Variants in MRPL13 observed in about 807,000 individuals in gnomAD.
The protein encoded by MRPL13 is large ribosomal subunit protein uL13m.
In MRPL13, 33 loss-of-function variants were observed where a neutral mutation model predicts 29.0. The observed-to-expected ratio is 1.14, with a 90% confidence interval of 0.86 to 1.52. The LOEUF (loss-of-function observed/expected upper bound fraction) is 1.52, where lower values mean the gene tolerates loss of function less well. MRPL13 is among the 40% of genes most tolerant of loss of function. The pLI, the probability that MRPL13 is intolerant of heterozygous loss-of-function variation, is 0.00. For missense variants in MRPL13, 227 were observed against 216.7 expected (o/e 1.05, Z -0.30); for synonymous variants, 77 against 68.4 (o/e 1.13, Z -0.62).
rs1289293457 is a variant in MRPL13 at position 120,396,127 on chromosome 8, T to C, written c.516-2A>G. ...TCTTATAGCCGATAATCTTCAGGTC[T>C]GAAAGAAAAAATCAACATATTTCTT... On this transcript the variant is annotated splice_acceptor_variant, in intron 6 of 6. Coordinates refer to ENST00000306185, the MANE Select transcript of MRPL13 (RefSeq NM_014078.6). LOFTEE classifies it high-confidence loss of function. 6.3e-7 allele frequency: 1 copy of C among 1,581,924 alleles called. No individual in the cohort carries two copies. The highest frequency in any genetic ancestry group is 1.1e-5 in the South Asian group (1 of 87,632).
intron 6 of MRPL13, among the ~76,000 whole-genome samples, chr8:120,410,720 G>A (rs1286859422): frequency 6.6e-6 from 1 of 152,032 alleles, no homozygotes; most frequent in Non-Finnish European, 1.5e-5. Flanking sequence ...AGTAGCTAAT[G>A]TATTTGAAGC....
intron 3 of MRPL13, 61 bp downstream of exon 3, chr8:120,431,969 C>T: frequency 8.6e-7 from 1 of 1,159,328 alleles, no homozygotes; most frequent in Non-Finnish European, 1.2e-6. Context: ...GTAAGAACAA[C>T]TGTATTCTTA....
Position 120,443,266 on chromosome 8 carries a change from T to C in MRPL13, c.70A>G (p.Lys24Glu). 1.1e-5 allele frequency: 17 copies of C among 1,609,274 alleles called. No homozygotes were observed. Among genetic ancestry groups the C allele is most frequent in the Non-Finnish European group, 1.4e-5 (17 of 1,177,970 alleles). The change falls in exon 2 of 7, where the codon AAA becomes GAA. Residue 24 changes from lysine (K) to glutamate (E), a missense_variant. Physicochemically the swap from Lys to Glu is moderately conservative, Grantham distance 56 (BLOSUM62 1). Coordinates refer to ENST00000306185, the MANE Select transcript of MRPL13 (RefSeq NM_014078.6). ...FARIWYLLDGKMQPPGKLAAM... is the reference protein window; with the variant it reads ...FARIWYLLDGEMQPPGKLAAM... ...GCAAGTTTGCCAGGTGGCTGCATTT[T>C]CCCATCTAAGAGATACCATATTCTA...
At chr8:120,396,251 T>G in intron 6 of MRPL13, 126 bp from the exon 7 acceptor site, 1 of 693,816 alleles carries the variant, frequency 1.4e-6, no homozygotes, top group Non-Finnish European at 2.4e-6. Flanking sequence ...AAACACTATA[T>G]CTAAATTTTT....
At chr8:120,425,857 T>C (rs1563775203) in intron 3 of MRPL13, among the ~76,000 whole-genome samples, 1 of 152,112 alleles carries the variant, frequency 6.6e-6, no homozygotes, top group African/African-American at 2.4e-5. Context: ...GTGCTACATA[T>C]TGGCTCTAAG....
chr8:120,421,703 C>G lies in MRPL13; in HGVS notation c.307-1765G>C, dbSNP rs528011788. On this transcript the variant is annotated intron_variant, in intron 4 of 6. Transcript: ENST00000306185. ...TCTGAAATATTTCCTAAGCCTTCCT[C>G]AAACATTTTACAATCCATTTCAATT... Among the ~76,000 whole-genome samples the G allele has an allele frequency of 9.9e-4, 150 of 151,956 alleles. 1 individual carries two copies. Among genetic ancestry groups the G allele is most frequent in the African/African-American group, 3.4e-3 (141 of 41,544 alleles).
Position 120,395,767 on chromosome 8 carries a change from T to C in MRPL13, c.*337A>G. The C allele has an allele frequency of 5.3e-6, 1 of 189,102 alleles. No individual in the cohort carries two copies. Among genetic ancestry groups the C allele is most frequent in the Non-Finnish European group, 1.1e-5 (1 of 93,060 alleles). 11.7% of individuals were successfully genotyped at this position (189,102 alleles called of 1,614,324 possible). A position where few individuals can be genotyped will look rare whatever the true frequency, so the allele number is the denominator to read the frequency against. Reference sequence around the variant, plus strand: ...ACCTGCAAACTTGAGAAAATCTGCATGGAGAGGCATTTTTGGAATGTGTAA... The same window carrying C: ...ACCTGCAAACTTGAGAAAATCTGCACGGAGAGGCATTTTTGGAATGTGTAA... On this transcript the variant is annotated 3_prime_UTR_variant, in exon 7 of 7. Coordinates refer to ENST00000306185, the MANE Select transcript of MRPL13 (RefSeq NM_014078.6).
chr8:120,401,040 A>T (rs1393436314), intron 6 of MRPL13, among the ~76,000 whole-genome samples: 2 of 152,176 alleles, frequency 1.3e-5, no homozygotes, highest in African/African-American at 4.8e-5. Context: ...ACCCACAACC[A>T]GACAGATTTA....
chr8:120,415,658 T>A (rs1812795173), intron 5 of MRPL13: 1 of 152,174 alleles, frequency 6.6e-6, no homozygotes, highest in Non-Finnish European at 1.5e-5. Context: ...CTCTTGATAA[T>A]GTGCTTCTTC....
chr8:120,404,252 T>C (rs1358810425), intron 6 of MRPL13, among the ~76,000 whole-genome samples: 2 of 152,230 alleles, frequency 1.3e-5, no homozygotes, highest in Non-Finnish European at 2.9e-5. Context: ...ACAAGAAGTC[T>C]GCAACTCCAC....
chr8:120,411,095 TC>T (rs1775886132), intron 6 of MRPL13, among the ~76,000 whole-genome samples: 1 of 151,986 alleles, frequency 6.6e-6, no homozygotes, highest in Admixed American at 6.5e-5. Flanking sequence ...CAAGTCTTGC[TC>T]TGTTGTTCAG....
Position 120,423,745 on chromosome 8 carries a change from T to A in MRPL13, c.306+1561A>T, listed in dbSNP as rs373498635. ...TGGCTTGAAGAATGCCAGCAAGAAGTACTTCAAGGAAAAGGAAATTGATAC... is the reference window on the plus strand; with the variant it reads ...TGGCTTGAAGAATGCCAGCAAGAAGAACTTCAAGGAAAAGGAAATTGATAC... On this transcript the variant is annotated intron_variant, in intron 4 of 6. Transcript: ENST00000306185. Among the ~76,000 whole-genome samples, 111 of 152,138 alleles carry A rather than the reference T, an allele frequency of 7.3e-4. 1 individual carries two copies. The highest frequency in any genetic ancestry group is 2.6e-3 in the African/African-American group (106 of 41,528).
rs915863046 is a variant in MRPL13, at chr8:120,432,962, A to G, written c.152-839T>C. ...GAAAAAAGTACTAAAAATAAGAAATACAAGTACAATATATATGAAAACTAA... is the reference window on the plus strand; with the variant it reads ...GAAAAAAGTACTAAAAATAAGAAATGCAAGTACAATATATATGAAAACTAA... On this transcript the variant is annotated intron_variant, in intron 2 of 6. Coordinates refer to ENST00000306185, the MANE Select transcript of MRPL13 (RefSeq NM_014078.6). Among the ~76,000 whole-genome samples the G allele has an allele frequency of 5.9e-5, 9 of 152,258 alleles. No individual in the cohort carries two copies. The South Asian group carries it at 6.2e-4, about 11-fold the overall frequency.
intron 2 of MRPL13, among the ~76,000 whole-genome samples, chr8:120,437,555 T>C (rs556205196): frequency 6.6e-6 from 1 of 152,204 alleles, no homozygotes; most frequent in Non-Finnish European, 1.5e-5. Context: ...AATCACCATA[T>C]ATAACCTATT....
chr8:120,438,777 A>G (rs1354463433), intron 2 of MRPL13, among the ~76,000 whole-genome samples: 2 of 152,316 alleles, frequency 1.3e-5, no homozygotes, highest in East Asian at 3.9e-4. Context: ...CTACTATAAT[A>G]TAGCTGAATA....
chr8:120,427,118 TA>T (rs1420710713), intron 3 of MRPL13, among the ~76,000 whole-genome samples: 1 of 152,046 alleles, frequency 6.6e-6, no homozygotes, highest in Non-Finnish European at 1.5e-5. Context: ...GTAAATGACA[TA>T]AAAATTTTGT....
At chr8:120,400,563 AG>A (rs1032747506) in intron 6 of MRPL13, among the ~76,000 whole-genome samples, 1 of 152,128 alleles carries the variant, frequency 6.6e-6, no homozygotes, top group Non-Finnish European at 1.5e-5. Flanking sequence ...TGCAACAAAA[AG>A]AACTAGAGTA....
intron 2 of MRPL13, 99 bp from the exon 3 acceptor site, chr8:120,432,222 T>C (rs2130479906): frequency 2.4e-6 from 2 of 826,658 alleles, no homozygotes; most frequent in Non-Finnish European, 3.6e-6. Context: ...TCAAACAACA[T>C]ATTAAAAAAT....
intron 6 of MRPL13, among the ~76,000 whole-genome samples, chr8:120,405,519 A>C (rs1812656356): frequency 6.6e-6 from 1 of 152,220 alleles, no homozygotes; most frequent in Non-Finnish European, 1.5e-5. Context: ...CATTCTAATT[A>C]GCATGGGTTC....
Sources: allele counts gnomAD v4.1 joint callset (sites outside exome capture counted in the v4.1 genomes callset), GRCh38; gene constraint gnomAD v4.1.1; transcripts MANE v1.5; gene names NCBI Gene and HGNC (gene_info 2026-07-23, HGNC 2026-07-21).